The following COP1 variants were observed in gnomAD, a reference collection of about 807,000 sequenced individuals.
The protein encoded by COP1 is COP1 E3 ubiquitin ligase.
A neutral mutation model predicts 101.3 loss-of-function variants in COP1; 24 were observed. That is an observed-to-expected ratio of 0.24 (90% CI 0.17 to 0.33). The LOEUF is 0.33. Ranked by LOEUF, COP1 falls within the 10% of genes least tolerant of loss-of-function variation. COP1 has a pLI of 1.00. For synonymous variants in COP1, 347 were observed against 341.9 expected, an observed-to-expected ratio of 1.01 and a Z score of -0.17; for missense variants, 663 against 906.2, an observed-to-expected ratio of 0.73 and a Z score of 3.45.
intron 18 of COP1, among the ~76,000 whole-genome samples, chr1:175,960,143 A>G (rs1315594126): frequency 3.3e-5 from 5 of 152,208 alleles, no homozygotes; most frequent in Non-Finnish European, 7.3e-5. Context: ...TCAGGAGGAA[A>G]TGGACCAGAA....
chr1:176,034,619 G>A (rs973894847), intron 14 of COP1, among the ~76,000 whole-genome samples: 1 of 152,102 alleles, frequency 6.6e-6, no homozygotes, highest in African/African-American at 2.4e-5. Flanking sequence ...ATAAAGAGTC[G>A]GGGAGAAACC....
At chr1:175,962,851 C>A (rs1651543198) in intron 18 of COP1, among the ~76,000 whole-genome samples, 2 of 152,008 alleles carry the variant, frequency 1.3e-5, no homozygotes, top group African/African-American at 4.8e-5. Flanking sequence ...TAAGTGAATT[C>A]TTGGAAAAGC....
chr1:176,029,631 TA>T (rs1463849972), intron 14 of COP1, among the ~76,000 whole-genome samples: 2 of 152,162 alleles, frequency 1.3e-5, no homozygotes, highest in African/African-American at 2.4e-5. Context: ...TGTTGTTTTT[TA>T]AAAAAGCTCT....
intron 13 of COP1, 32 bp from the exon 14 acceptor site, chr1:176,043,299 T>A: frequency 7.7e-7 from 1 of 1,298,562 alleles, no homozygotes; most frequent in African/African-American, 1.5e-5. Context: ...TAGCCTCAGA[T>A]AGAATACAGA....
intron 9 of COP1, among the ~76,000 whole-genome samples, chr1:176,102,318 C>T (rs764047832): frequency 1.3e-5 from 2 of 152,180 alleles, no homozygotes; most frequent in Non-Finnish European, 2.9e-5. Flanking sequence ...TGCCTGCAAG[C>T]CTAATCTTTC....
intron 14 of COP1, among the ~76,000 whole-genome samples, chr1:176,036,700 G>A (rs1669609514): frequency 6.6e-6 from 1 of 152,090 alleles, no homozygotes; most frequent in Admixed American, 6.5e-5. Context: ...GTGATATGTG[G>A]TATGATATTC....
intron 19 of COP1, among the ~76,000 whole-genome samples, chr1:175,945,590 A>G (rs999638480): frequency 3.9e-5 from 6 of 152,348 alleles, no homozygotes; most frequent in African/African-American, 1.4e-4. Context: ...TACAGGACCT[A>G]AAGTCTTGCT....
At chr1:176,200,025 C>A (rs965927486) in intron 1 of COP1, among the ~76,000 whole-genome samples, 1 of 152,078 alleles carries the variant, frequency 6.6e-6, no homozygotes, top group Admixed American at 6.5e-5. Context: ...AAGAACCTGA[C>A]CTCTGAGCCA....
At chr1:176,121,931 G>A (rs1244388193) in intron 8 of COP1, among the ~76,000 whole-genome samples, 6 of 151,946 alleles carry the variant, frequency 3.9e-5, no homozygotes, top group African/African-American at 1.5e-4. Flanking sequence ...ATGAGGTCAG[G>A]AGATGGAGAC....
intron 11 of COP1, among the ~76,000 whole-genome samples, chr1:176,076,812 CAA>C: frequency 6.6e-6 from 1 of 152,032 alleles, no homozygotes; most frequent in East Asian, 1.9e-4. Flanking sequence ...CACAGAAATA[CAA>C]AAGATTCTCA....
chr1:176,146,527 C>T (rs1691608265), intron 6 of COP1, among the ~76,000 whole-genome samples: 1 of 152,186 alleles, frequency 6.6e-6, no homozygotes, highest in African/African-American at 2.4e-5. Flanking sequence ...TTTTGAGAGG[C>T]AGCCAGCTGC....
At chr1:176,126,253 A>G (rs1687968233) in intron 8 of COP1, among the ~76,000 whole-genome samples, 2 of 152,194 alleles carry the variant, frequency 1.3e-5, no homozygotes, top group Admixed American at 1.3e-4. Flanking sequence ...TTTTAGTACT[A>G]CGTTGAGTAA....
intron 1 of COP1, among the ~76,000 whole-genome samples, chr1:176,199,951 T>A (rs1700102190): frequency 6.6e-6 from 1 of 152,188 alleles, no homozygotes; most frequent in African/African-American, 2.4e-5. Context: ...TTAAACAAAA[T>A]CAGCCTCTAA....
chr1:175,967,069 T>C (rs1265922280), intron 18 of COP1, among the ~76,000 whole-genome samples: 1 of 152,210 alleles, frequency 6.6e-6, no homozygotes, highest in Admixed American at 6.5e-5. Flanking sequence ...AATCGTTCAT[T>C]AGAATGAACA....
chr1:176,181,014 G>A (rs1304897577), intron 2 of COP1, among the ~76,000 whole-genome samples: 2 of 152,214 alleles, frequency 1.3e-5, no homozygotes, highest in African/African-American at 2.4e-5. Flanking sequence ...GCACAAGCTG[G>A]AGGCAGCAAA....
chr1:176,141,816 T>G (rs1690731408), intron 6 of COP1, among the ~76,000 whole-genome samples: 1 of 151,880 alleles, frequency 6.6e-6, no homozygotes, highest in Admixed American at 6.6e-5. Context: ...CTGCAGCCTC[T>G]GCCTCCTAGG....
At chr1:176,129,042 A>T (rs960366203) in intron 8 of COP1, among the ~76,000 whole-genome samples, 2 of 151,954 alleles carry the variant, frequency 1.3e-5, no homozygotes, top group African/African-American at 4.8e-5. Context: ...ATAGAATGAC[A>T]TGGGTAAACT....
intron 14 of COP1, among the ~76,000 whole-genome samples, chr1:176,029,955 A>C (rs1005362200): frequency 1.3e-5 from 2 of 152,210 alleles, no homozygotes; most frequent in East Asian, 3.9e-4. Context: ...TATTATTAGT[A>C]GTAGTATTTT....
intron 7 of COP1, among the ~76,000 whole-genome samples, 190 bp from the exon 8 acceptor site, chr1:176,135,276 C>G (rs572979368): frequency 6.6e-6 from 1 of 151,980 alleles, no homozygotes; most frequent in Non-Finnish European, 1.5e-5. Flanking sequence ...AAGAGACAAG[C>G]CTTTTCCATG....
Sources: allele counts gnomAD v4.1 joint callset (sites outside exome capture counted in the v4.1 genomes callset), GRCh38; gene constraint gnomAD v4.1.1; transcripts MANE v1.5; gene names NCBI Gene and HGNC (gene_info 2026-07-23, HGNC 2026-07-21).